Variants in MMP26 observed in about 807,000 individuals in gnomAD.
MMP26 encodes the protein matrix metallopeptidase 26.
Under a neutral mutation model 31.0 loss-of-function variants are expected in MMP26, and 33 were observed. The ratio of observed to expected loss-of-function variants is 1.06; its 90% CI spans 0.81 to 1.42. The LOEUF (loss-of-function observed/expected upper bound fraction) is 1.42. MMP26 is among the 40% of genes most tolerant of loss of function. The probability of loss-of-function intolerance (pLI) is 0.00; values close to 1 mark genes in which losing one functional copy is unlikely to be tolerated. For missense variants in MMP26, 347 were observed against 316.1 expected (o/e 1.10, Z -0.74); for synonymous variants, 122 against 114.9 (o/e 1.06, Z -0.40).
intron 1 of MMP26, among the ~76,000 whole-genome samples, chr11:4,716,723 G>A (rs749541364): frequency 5.0e-4 from 66 of 132,252 alleles, no homozygotes; most frequent in Non-Finnish European, 7.2e-4. Context: ...GTGCAATGGT[G>A]CGATCTCAGC....
intron 1 of MMP26, chr11:4,723,200 GC>G: frequency 1.3e-6 from 2 of 1,547,546 alleles, no homozygotes; most frequent in Non-Finnish European, 1.8e-6. Flanking sequence ...CTCCAGGGAA[GC>G]CCTCTGGCCT....
chr11:4,781,553 C>CAAAAAAAAAA (rs780005906), intron 2 of MMP26, among the ~76,000 whole-genome samples: 1 of 15,192 alleles, frequency 6.6e-5, no homozygotes, highest in African/African-American at 6.6e-4. Flanking sequence ...GACTCCGTCT[C>CAAAAAAAAAA]AAAAAAAAAA....
intron 2 of MMP26, among the ~76,000 whole-genome samples, chr11:4,857,045 C>T (rs1850064112): frequency 6.6e-6 from 1 of 152,090 alleles, no homozygotes; most frequent in Non-Finnish European, 1.5e-5. Flanking sequence ...ACACAACATA[C>T]CAGAATCTCT....
At chr11:4,986,932 C>CCCTCTCTCTCTCTCTCTCT (rs1846903256) in intron 2 of MMP26, among the ~76,000 whole-genome samples, 2 of 60,406 alleles carry the variant, frequency 3.3e-5, no homozygotes, top group African/African-American at 1.4e-4. Context: ...TCTCTCTCTC[C>CCCTCTCTCTCTCTCTCTCT]CTCTCTCTCT....
chr11:4,898,208 A>AT (rs1292466691), intron 2 of MMP26, among the ~76,000 whole-genome samples: 1 of 151,872 alleles, frequency 6.6e-6, no homozygotes, highest in Non-Finnish European at 1.5e-5. Context: ...CAGGTTGACA[A>AT]TTTTTTTCTT....
At chr11:4,776,791 T>C (rs959522548) in intron 2 of MMP26, among the ~76,000 whole-genome samples, 1 of 152,154 alleles carries the variant, frequency 6.6e-6, no homozygotes, top group Non-Finnish European at 1.5e-5. Context: ...CCTTCTACCA[T>C]GAATGTAAGT....
chr11:4,954,944 A>T lies in MMP26; in HGVS notation c.-144-33124A>T, dbSNP rs778929241. ...AAAGCGGTGGACAACGGCCAGGTTG[A>T]TGATGGGCAGGTAGAAGATGATCAC... On this transcript the variant is annotated intron_variant, in intron 2 of 7. Transcript: ENST00000380390. 3 of 1,257,666 alleles carry T rather than the reference A, an allele frequency of 2.4e-6. No individual in the cohort carries two copies. The South Asian group carries it at 3.6e-5, about 15-fold the overall frequency. 77.9% of individuals were successfully genotyped at this position (1,257,666 alleles called of 1,614,324 possible).
chr11:4,746,805 G>T (rs1013782652), intron 1 of MMP26, among the ~76,000 whole-genome samples: 5 of 150,086 alleles, frequency 3.3e-5, no homozygotes, highest in Non-Finnish European at 7.4e-5. Context: ...TTGCACTCCA[G>T]CCTGGGCAAC....
At chr11:4,924,782 C>T (rs1361857078) in intron 2 of MMP26, among the ~76,000 whole-genome samples, 2 of 152,094 alleles carry the variant, frequency 1.3e-5, no homozygotes, top group Non-Finnish European at 2.9e-5. Flanking sequence ...TCTGAAATCA[C>T]CAGGAAAAGC....
chr11:4,960,116 C>T (rs12805257), intron 2 of MMP26, among the ~76,000 whole-genome samples: 54,395 of 143,160 alleles, frequency 0.38, 10,011 homozygotes, highest in South Asian at 0.59. Flanking sequence ...AATATATTCT[C>T]AGCAAAATAA....
chr11:4,940,836 C>T (rs1846196052), intron 2 of MMP26, among the ~76,000 whole-genome samples: 1 of 152,090 alleles, frequency 6.6e-6, no homozygotes, highest in Non-Finnish European at 1.5e-5. Flanking sequence ...CTATAATTAG[C>T]CAGTATATCC....
rs181462632 is a variant in MMP26, at chr11:4,719,456, A to G, written c.-217+14411A>G. On this transcript the variant is annotated intron_variant, in intron 1 of 7. Coordinates refer to ENST00000380390, the MANE Select transcript of MMP26 (RefSeq NM_021801.5). Reference sequence around the variant, plus strand: ...GTGCATACTTTGATTGCCAATGCCTACCTACTAATCCCTCCTGTAATGAAC... The same window carrying G: ...GTGCATACTTTGATTGCCAATGCCTGCCTACTAATCCCTCCTGTAATGAAC... The G allele has an allele frequency of 6.9e-4, 106 of 153,914 alleles. 2 individuals carry two copies. The highest frequency in any genetic ancestry group is 2.0e-3 in the African/African-American group (85 of 41,622). The allele number at this position is 153,914 out of a possible 1,614,324, so 9.5% of individuals were successfully genotyped here.
intron 2 of MMP26, among the ~76,000 whole-genome samples, chr11:4,871,279 T>C (rs895420747): frequency 7.2e-5 from 11 of 152,062 alleles, no homozygotes; most frequent in African/African-American, 2.4e-4. Flanking sequence ...TCGACAGGGA[T>C]TGTAGACCGC....
intron 3 of MMP26, 140 bp from the exon 4 acceptor site, chr11:4,989,508 C>A (rs1846960065): frequency 1.6e-6 from 1 of 611,974 alleles, no homozygotes; most frequent in African/African-American, 1.8e-5. Flanking sequence ...CTGCCATCAT[C>A]TGACTGAGAA....
intron 2 of MMP26, chr11:4,973,077 A>G (rs1846686945): frequency 5.9e-6 from 1 of 170,876 alleles, no homozygotes; most frequent in Non-Finnish European, 1.3e-5. Flanking sequence ...GTGATTGGGA[A>G]ACTGTGTTTG....
At chr11:4,729,535 C>T (rs1848145321) in intron 1 of MMP26, among the ~76,000 whole-genome samples, 1 of 152,126 alleles carries the variant, frequency 6.6e-6, no homozygotes, top group South Asian at 2.1e-4. Flanking sequence ...CCAAACCCAA[C>T]TAGAATACGG....
At chr11:4,709,528 C>A in intron 1 of MMP26, 1 of 397,366 alleles carries the variant, frequency 2.5e-6, no homozygotes, top group Non-Finnish European at 5.0e-6. Context: ...TATTACAGGA[C>A]ATAGTTCTTT....
intron 2 of MMP26, among the ~76,000 whole-genome samples, chr11:4,942,089 C>CAAAAAAAAAAAAAAAAA (rs201626472): frequency 0.032 from 1,195 of 37,006 alleles, 156 homozygotes; most frequent in South Asian, 0.06. Flanking sequence ...GAGTCCATCT[C>CAAAAAAAAAAAAAAAAA]AAAAAAAAAA....
chr11:4,730,934 A>T (rs146399688), intron 1 of MMP26, among the ~76,000 whole-genome samples: 2 of 151,904 alleles, frequency 1.3e-5, no homozygotes, highest in Admixed American at 1.3e-4. Flanking sequence ...ATTCTTTATT[A>T]TTTATTATTT....
Sources: gnomAD v4.1 joint callset for allele counts (sites outside exome capture counted in the v4.1 genomes callset) on GRCh38, gnomAD v4.1.1 for gene constraint, MANE v1.5 for transcripts, NCBI Gene and HGNC (gene_info 2026-07-23, HGNC 2026-07-21) for gene names.